ZNF518A: variants seen among roughly 807,000 people sequenced by gnomAD.
ZNF518A encodes zinc finger protein 518.
In ZNF518A, 47 loss-of-function variants were observed where a neutral mutation model predicts 102.7. The observed-to-expected ratio is 0.46, with a 90% CI of 0.36 to 0.58. The LOEUF (loss-of-function observed/expected upper bound fraction) is 0.58, where lower values mean the gene tolerates loss of function less well. ZNF518A is among the 20% of genes least tolerant of loss of function. The pLI, the probability that ZNF518A is intolerant of heterozygous loss-of-function variation, is 0.00. For missense variants in ZNF518A, 1,793 were observed against 1,699.8 expected (o/e 1.05, Z -0.96); for synonymous variants, 652 against 594.6 (o/e 1.10, Z -1.40).
chr10:96,138,937 ATT>A (rs782442450), intron 3 of ZNF518A, among the ~76,000 whole-genome samples: 39 of 136,012 alleles, frequency 2.9e-4, no homozygotes, highest in East Asian at 4.5e-4. Flanking sequence ...AAAGTGGCGA[ATT>A]TTTTTTTTTT....
intron 1 of ZNF518A, among the ~76,000 whole-genome samples, chr10:96,178,063 A>C (rs1440148971): frequency 1.3e-5 from 2 of 152,118 alleles, no homozygotes; most frequent in Non-Finnish European, 2.9e-5. Context: ...AATTGATAGA[A>C]CAACTAGGCA....
rs908235250 is a variant in ZNF518A at position 96,162,299 on chromosome 10, A to G, written c.*1525A>G. The G allele has an allele frequency of 1.2e-5, 2 of 166,746 alleles. No homozygotes were observed. Among genetic ancestry groups the G allele is most frequent in the African/African-American group, 4.8e-5 (2 of 41,440 alleles). The allele number at this position is 166,746 out of a possible 1,614,324, so 10.3% of individuals were successfully genotyped here. ...AAAAGGAATATATAAGACTTTACCC[A>G]TGTTATTTTCTTGGTTTTTATTTCA... is the stretch of plus-strand genomic sequence containing the variant. On this transcript the variant is annotated 3_prime_UTR_variant, in exon 6 of 6. Transcript: ENST00000316045.
Position 96,160,526 on chromosome 10 carries a change from G to T in ZNF518A, c.4204G>T (p.Asp1402Tyr). 3 of 1,612,244 alleles carry T rather than the reference G, an allele frequency of 1.9e-6. No individual in the cohort carries two copies. Among genetic ancestry groups the T allele is most frequent in the Non-Finnish European group, 2.5e-6 (3 of 1,179,316 alleles). The change falls in exon 6 of 6, where the codon GAT (aspartate) becomes TAT (tyrosine). Residue 1402 changes from aspartate to tyrosine, a missense_variant. Asp to Tyr is a radical substitution (Grantham distance 160). This residue lies in a region of ZNF518A where 1,741 missense variants were observed against 1,622.6 expected (regional missense o/e 1.07). Transcript: ENST00000316045. Reference sequence around the variant, plus strand: ...TAACCCTCCTAAAACAACTTATGATGATTTTTCCAAGAGGCACAAAACATT... The same window carrying T: ...TAACCCTCCTAAAACAACTTATGATTATTTTTCCAAGAGGCACAAAACATT... ...CYNPPKTTYDDFSKRHKTFKP... is the reference protein window; with the variant it reads ...CYNPPKTTYDYFSKRHKTFKP...
At chr10:96,183,299 G>A (rs782487862) in intron 1 of ZNF518A, among the ~76,000 whole-genome samples, 1 of 151,792 alleles carries the variant, frequency 6.6e-6, no homozygotes, top group Non-Finnish European at 1.5e-5. Context: ...AGGTTTTTTT[G>A]TGTCTTTAAC....
downstream of ZNF518A, among the ~76,000 whole-genome samples, chr10:96,164,984 AAGTT>A (rs1196244114): frequency 2.6e-5 from 4 of 152,222 alleles, no homozygotes; most frequent in Non-Finnish European, 5.9e-5. Context: ...AGCAAAATGA[AAGTT>A]AAATTTGGGA....
chr10:96,138,398 TTG>T (rs1325475903), intron 3 of ZNF518A, among the ~76,000 whole-genome samples: 2 of 152,204 alleles, frequency 1.3e-5, no homozygotes, highest in African/African-American at 4.8e-5. Flanking sequence ...ACTGATTTTC[TTG>T]CTGTTCCCCA....
At position 96,156,854 on chromosome 10, in the gene ZNF518A, A is replaced by G. The variant is rs782130797; in HGVS notation, c.532A>G (p.Lys178Glu). 1.9e-5 allele frequency: 31 copies of G among 1,613,778 alleles called. No individual in the cohort carries two copies. The highest frequency in any genetic ancestry group is 2.6e-5 in the Non-Finnish European group (31 of 1,179,816). Residue 178 changes from lysine (K) to glutamate (E), a missense_variant, in exon 6 of 6, where the codon AAA (lysine) becomes GAA (glutamate). Around this residue, in one of 3 missense-constraint regions of ZNF518A, gnomAD observed 1,741 missense variants for 1,622.6 expected, o/e 1.07. Coordinates refer to ENST00000316045, the MANE Select transcript of ZNF518A (RefSeq NM_001330736.2). ...ACGAACCCATAGAAGCACTTTAGTA[A>G]AATGTGACATTTGTAACAATGAGAG... is the stretch of plus-strand genomic sequence containing the variant. ...HRRTHRSTLV[K>E]CDICNNESVY...
chr10:96,197,086 C>T, intron 1 of ZNF518A: 2 of 1,588,906 alleles, frequency 1.3e-6, no homozygotes, highest in South Asian at 1.1e-5. Context: ...TTTTAAAAAA[C>T]ATAATTATGG....
intron 1 of ZNF518A, chr10:96,199,540 GAGAT>G: frequency 2.2e-6 from 1 of 459,724 alleles, no homozygotes. Flanking sequence ...GGTCCTTGAG[GAGAT>G]GAAAGGACAA....
At chr10:96,199,496 G>C (rs370338422) in intron 1 of ZNF518A, 2 of 462,064 alleles carry the variant, frequency 4.3e-6, no homozygotes, top group South Asian at 3.1e-5. Context: ...GAGCTTTCTC[G>C]TCTCCCACTG....
chr10:96,159,350 A>G lies in ZNF518A; in HGVS notation c.3028A>G (p.Lys1010Glu). The change falls in exon 6 of 6, where the codon AAA becomes GAA. Residue 1010 changes from lysine to glutamate, a missense_variant. Lys to Glu is a moderately conservative substitution (Grantham distance 56). Coordinates refer to ENST00000316045, the MANE Select transcript of ZNF518A (RefSeq NM_001330736.2). The stretch of plus-strand genomic sequence containing the variant: ...TGGAACTGTGACTAAGGAGCCTTGC[A>G]AAACACCTATTTTGAAGGTAGAACC... Reference protein sequence around the residue: ...ARGTVTKEPCKTPILKVEPNN... With the variant: ...ARGTVTKEPCETPILKVEPNN... 6.2e-7 allele frequency: 1 copy of G among 1,613,816 alleles called. No individual in the cohort carries two copies. The highest frequency in any genetic ancestry group is 1.1e-5 in the South Asian group (1 of 91,064).
chr10:96,179,883 CA>C (rs1452601222), intron 1 of ZNF518A, among the ~76,000 whole-genome samples: 6 of 106,096 alleles, frequency 5.7e-5, no homozygotes, highest in African/African-American at 1.1e-4. Context: ...TTCTTTCTTT[CA>C]TTTTTTTTTT....
downstream of ZNF518A, chr10:96,204,608 T>C (rs782571947): frequency 3.7e-6 from 6 of 1,613,862 alleles, no homozygotes; most frequent in East Asian, 2.2e-5. Flanking sequence ...TCAGCAGGTA[T>C]AGGTTTTTCT....
In ZNF518A at chr10:96,142,661, C is replaced by T. The variant is rs782469346; in HGVS notation, c.-302+9013C>T. ...CTTCCTTTTTAGACTCTGTAGAATG[C>T]CTTTGACTTTTAATTATTTTAGAAA... On this transcript the variant is annotated intron_variant, in intron 3 of 5. Transcript: ENST00000316045. Among the ~76,000 whole-genome samples the T allele has an allele frequency of 1.2e-4, 18 of 151,998 alleles. 1 individual carries two copies. The highest frequency in any genetic ancestry group is 2.6e-4 in the Non-Finnish European group (18 of 67,990).
intron 1 of ZNF518A, among the ~76,000 whole-genome samples, chr10:96,196,413 A>G (rs1554894684): frequency 6.6e-6 from 1 of 152,168 alleles, no homozygotes; most frequent in Non-Finnish European, 1.5e-5. Context: ...TTTAAGACCC[A>G]TGTGATTTTT....
chr10:96,160,903 G>A lies in ZNF518A; in HGVS notation c.*129G>A, dbSNP rs189826555. Reference sequence around the variant, plus strand: ...AAATCGAACATTTTAAAAGTTGATTGTATTTCTGTGGAAGAGTAAAAGTTG... The same window carrying A: ...AAATCGAACATTTTAAAAGTTGATTATATTTCTGTGGAAGAGTAAAAGTTG... On this transcript the variant is annotated 3_prime_UTR_variant, in exon 6 of 6. Transcript: ENST00000316045. The A allele has an allele frequency of 4.7e-4, 473 of 1,009,944 alleles. 2 individuals carry two copies. Among genetic ancestry groups the A allele is most frequent in the Non-Finnish European group, 4.4e-4 (323 of 739,146 alleles). 62.6% of individuals were successfully genotyped at this position (1,009,944 alleles called of 1,614,324 possible).
Position 96,193,231 on chromosome 10 carries a change from A to G in ZNF518A, n.36-10343A>G, listed in dbSNP as rs782435586. 1.9e-4 allele frequency among the ~76,000 whole-genome samples: 29 copies of G among 152,350 alleles called. No individual in the cohort carries two copies. The highest frequency in any genetic ancestry group is 3.9e-4 in the East Asian group (2 of 5,192). The stretch of plus-strand genomic sequence containing the variant: ...ATTGCCAAAGAAATTCTTTCATTAT[A>G]AATCCCATTAAACATTCATTCTGCT... On this transcript the variant is annotated intron_variant and non_coding_transcript_variant, in intron 1 of 2. Coordinates refer to the ZNF518A transcript ENST00000442635.
At chr10:96,194,768 A>ATTTTTTTTTTT (rs71034364) in intron 1 of ZNF518A, among the ~76,000 whole-genome samples, 75 of 110,262 alleles carry the variant, frequency 6.8e-4, no homozygotes, top group African/African-American at 8.6e-4. Context: ...AGAAATGCAA[A>ATTTTTTTTTTT]TTTTTTTTTT....
intron 3 of ZNF518A, among the ~76,000 whole-genome samples, chr10:96,152,990 G>T (rs190695937): frequency 1.2e-3 from 181 of 152,320 alleles, no homozygotes; most frequent in African/African-American, 4.3e-3. Flanking sequence ...GTAAGAGGTT[G>T]TCTGCAAACT....
Sources: allele counts gnomAD v4.1 joint callset (sites outside exome capture counted in the v4.1 genomes callset), GRCh38; gene constraint gnomAD v4.1.1; regional missense constraint gnomAD v4.1.1; transcripts MANE v1.5; gene names NCBI Gene and HGNC (gene_info 2026-07-23, HGNC 2026-07-21).